ATP10B: variants seen among roughly 807,000 people sequenced by gnomAD.
The protein encoded by ATP10B is phospholipid-transporting ATPase VB.
A neutral mutation model predicts 141.2 loss-of-function variants in ATP10B; 122 were observed. The observed-to-expected ratio is 0.86, with a 90% CI of 0.75 to 1.00. ATP10B has a LOEUF of 1.00. ATP10B is among the 50% of genes least tolerant of loss of function. ATP10B has a pLI of 0.00. For missense variants in ATP10B, 1,876 were observed against 1,825.3 expected, an observed-to-expected ratio of 1.03 and a Z score of -0.51; for synonymous variants, 685 against 692.0, an observed-to-expected ratio of 0.99 and a Z score of 0.16.
At chr5:160,903,491 C>T in the ATP10B span, among the ~76,000 whole-genome samples, 4 of 152,308 alleles carry the variant, frequency 2.6e-5, no homozygotes, top group East Asian at 3.9e-4. Flanking sequence ...AGCCACAGAG[C>T]ATTTACTCTG....
At chr5:160,583,740 T>C (rs530328237) in intron 24 of ATP10B, among the ~76,000 whole-genome samples, 106 of 152,234 alleles carry the variant, frequency 7.0e-4, no homozygotes, top group Non-Finnish European at 5.0e-4. Context: ...AGAGGAGGAA[T>C]CTAGACAGGC....
At chr5:160,785,838 A>T in intron 1 of ATP10B, 35 bp from the exon 2 acceptor site, 1 of 333,212 alleles carries the variant, frequency 3.0e-6, no homozygotes, top group East Asian at 1.0e-4. Context: ...AATACAAAAT[A>T]TACAATCTCA....
At chr5:160,598,468 C>T (rs948203599) in intron 22 of ATP10B, among the ~76,000 whole-genome samples, 4 of 151,880 alleles carry the variant, frequency 2.6e-5, no homozygotes, top group East Asian at 1.9e-4. Context: ...AGCACACCAG[C>T]ATGGCACATG....
chr5:160,862,097 T>C, the ATP10B span, among the ~76,000 whole-genome samples: 1 of 151,988 alleles, frequency 6.6e-6, no homozygotes, highest in South Asian at 2.1e-4. Flanking sequence ...AGTGCCTCTT[T>C]GAAAGGATTT....
chr5:160,871,183 T>C, the ATP10B span, among the ~76,000 whole-genome samples: 2 of 152,108 alleles, frequency 1.3e-5, no homozygotes, highest in Non-Finnish European at 2.9e-5. Context: ...ATCAAATAGA[T>C]AACAGTTTGC....
rs181342294 is a variant in ATP10B, at chr5:160,748,175, G to A, written c.-330-31141C>T. On this transcript the variant is annotated intron_variant, in intron 2 of 25. Coordinates refer to ENST00000327245, the MANE Select transcript of ATP10B (RefSeq NM_025153.3). ...CTGCAGTACCGCTTTTGGAAGCTGC[G>A]AGAACAATAAGCTTGCCCAGGACTT... 1.2e-4 allele frequency among the ~76,000 whole-genome samples: 19 copies of A among 152,160 alleles called. 1 individual carries two copies. The Middle Eastern group carries it at 0.01, about 82-fold the overall frequency.
intron 2 of ATP10B, among the ~76,000 whole-genome samples, chr5:160,771,830 G>T (rs1157918160): frequency 1.3e-5 from 2 of 152,188 alleles, no homozygotes; most frequent in Non-Finnish European, 2.9e-5. Flanking sequence ...CAAGATTCCT[G>T]GCTCCTGTTT....
At chr5:160,897,707 A>T in the ATP10B span, among the ~76,000 whole-genome samples, 1 of 152,212 alleles carries the variant, frequency 6.6e-6, no homozygotes, top group Admixed American at 6.5e-5. Flanking sequence ...TTTCATATGG[A>T]ACTAAAAAAG....
intron 6 of ATP10B, chr5:160,685,095 T>C (rs965813918): frequency 1.4e-6 from 1 of 703,574 alleles, no homozygotes; most frequent in Admixed American, 2.0e-5. Context: ...TGGTCTTGAT[T>C]TGATTCCCAC....
At chr5:160,862,974 G>T in the ATP10B span, among the ~76,000 whole-genome samples, 1 of 151,864 alleles carries the variant, frequency 6.6e-6, no homozygotes, top group South Asian at 2.1e-4. Flanking sequence ...AAGAAACATA[G>T]TGCTTTCTGT....
At chr5:160,773,790 A>G (rs1265803775) in intron 2 of ATP10B, among the ~76,000 whole-genome samples, 2 of 152,150 alleles carry the variant, frequency 1.3e-5, no homozygotes, top group African/African-American at 4.8e-5. Flanking sequence ...GTTACAAGGT[A>G]TGTGGATATT....
intron 1 of ATP10B, among the ~76,000 whole-genome samples, chr5:160,839,745 T>C (rs1258540761): frequency 6.6e-6 from 1 of 152,046 alleles, no homozygotes; most frequent in Non-Finnish European, 1.5e-5. Context: ...ATCTAAAATA[T>C]AGCAGTTTTT....
At chr5:160,605,966 G>A (rs1757365021) in intron 19 of ATP10B, among the ~76,000 whole-genome samples, 1 of 152,228 alleles carries the variant, frequency 6.6e-6, no homozygotes, top group African/African-American at 2.4e-5. Flanking sequence ...AGGATTGGAA[G>A]AAGTGTTTTA....
intron 13 of ATP10B, among the ~76,000 whole-genome samples, chr5:160,631,274 G>A (rs762497891): frequency 6.6e-6 from 1 of 152,282 alleles, no homozygotes; most frequent in Admixed American, 6.5e-5. Context: ...AAGAGTGTGT[G>A]CAAAGGAAAG....
intron 7 of ATP10B, among the ~76,000 whole-genome samples, chr5:160,652,904 TATATAC>T (rs1760924074): frequency 2.8e-5 from 2 of 71,916 alleles, no homozygotes; most frequent in Non-Finnish European, 4.7e-5. Flanking sequence ...TAATATATTA[TATATAC>T]ATGTATATAT....
intron 1 of ATP10B, among the ~76,000 whole-genome samples, chr5:160,831,301 T>C (rs1775066635): frequency 6.6e-6 from 1 of 152,010 alleles, no homozygotes; most frequent in South Asian, 2.1e-4. Flanking sequence ...ATTTTCCTTG[T>C]TTAACTGCAC....
chr5:160,847,428 G>A (rs767492490), intron 1 of ATP10B, among the ~76,000 whole-genome samples: 25 of 152,204 alleles, frequency 1.6e-4, no homozygotes, highest in Non-Finnish European at 2.8e-4. Context: ...ACAGCCTTGC[G>A]GTGACCCCTT....
chr5:160,892,058 A>T, the ATP10B span, among the ~76,000 whole-genome samples: 1 of 152,228 alleles, frequency 6.6e-6, no homozygotes, highest in Admixed American at 6.5e-5. Context: ...TACATTCATA[A>T]TTATTTGCTT....
intron 7 of ATP10B, among the ~76,000 whole-genome samples, chr5:160,658,869 A>G (rs952760470): frequency 6.6e-5 from 10 of 152,130 alleles, no homozygotes; most frequent in African/African-American, 2.4e-4. Flanking sequence ...AACCCACCCC[A>G]TATTTTTCTA....
Sources: allele counts gnomAD v4.1 joint callset (sites outside exome capture counted in the v4.1 genomes callset), GRCh38; gene constraint gnomAD v4.1.1; transcripts MANE v1.5; gene names NCBI Gene and HGNC (gene_info 2026-07-23, HGNC 2026-07-21).